TENM4: variants seen among roughly 807,000 people sequenced by gnomAD.
TENM4 encodes teneurin transmembrane protein 4.
TENM4 carries 82 observed loss-of-function variants against 243.3 expected under a neutral mutation model. The ratio of observed to expected loss-of-function variants is 0.34; its 90% CI spans 0.28 to 0.40. The LOEUF is 0.40. Ranked by LOEUF, TENM4 falls within the 10% of genes least tolerant of loss-of-function variation. The pLI is 1.00. For synonymous variants in TENM4, 1,412 were observed against 1,456.3 expected, an observed-to-expected ratio of 0.97 and a Z score of 0.69; for missense variants, 3,138 against 3,673.3, an observed-to-expected ratio of 0.85 and a Z score of 3.77.
chr11:79,013,660 G>T (rs779805820), intron 6 of TENM4, among the ~76,000 whole-genome samples: 10 of 152,210 alleles, frequency 6.6e-5, no homozygotes, highest in Non-Finnish European at 1.0e-4. Flanking sequence ...CAGGCTCATG[G>T]GAAAGATGGT....
At chr11:79,190,225 C>T (rs1478228649) in intron 3 of TENM4, among the ~76,000 whole-genome samples, 1 of 152,238 alleles carries the variant, frequency 6.6e-6, no homozygotes, top group Non-Finnish European at 1.5e-5. Flanking sequence ...TAGACACAAA[C>T]TCCCGTGGCT....
rs1030691936 is a variant in TENM4 at position 78,701,870 on chromosome 11, T to G, written c.4743A>C (p.Pro1581=). Residue 1581 remains proline (P), a synonymous_variant, in exon 28 of 34, where the codon CCA becomes CCC. Transcript: ENST00000278550. Reference sequence around the variant, plus strand: ...CAAACAGATAGAGCTCCTGGTCAATTGGTGAAGACAGCTCATACATGTTCT... The same window carrying G: ...CAAACAGATAGAGCTCCTGGTCAATGGGTGAAGACAGCTCATACATGTTCT... ...NTQNMYELSS[P]IDQELYLFDT... 1.2e-6 allele frequency: 2 copies of G among 1,614,022 alleles called. No homozygotes were observed. Among genetic ancestry groups the G allele is most frequent in the Admixed American group, 1.7e-5 (1 of 60,030 alleles).
chr11:79,435,690 C>A (rs376930465), intron 1 of TENM4, among the ~76,000 whole-genome samples: 1 of 152,160 alleles, frequency 6.6e-6, no homozygotes, highest in East Asian at 1.9e-4. Flanking sequence ...GGCTGAGAAC[C>A]CCGGGCGGAG....
chr11:79,304,142 T>TAGGGCTA (rs1856591055), intron 1 of TENM4, among the ~76,000 whole-genome samples: 3 of 152,142 alleles, frequency 2.0e-5, no homozygotes, highest in Admixed American at 2.0e-4. Flanking sequence ...AGGTGGACTC[T>TAGGGCTA]AGGGCTAAGT....
At chr11:79,260,957 G>A in intron 2 of TENM4, among the ~76,000 whole-genome samples, 1 of 152,140 alleles carries the variant, frequency 6.6e-6, no homozygotes, top group South Asian at 2.1e-4. Flanking sequence ...ATTTCTTCTT[G>A]GAAACAGAGC....
chr11:78,903,355 G>C lies in TENM4; in HGVS notation c.662C>G (p.Ser221Cys). 6.7e-7 allele frequency: 1 copy of C among 1,491,500 alleles called. No homozygotes were observed. The highest frequency in any genetic ancestry group is 8.9e-7 in the Non-Finnish European group (1 of 1,121,454). 92.4% of individuals were successfully genotyped at this position (1,491,500 alleles called of 1,614,324 possible). Reference sequence around the variant, plus strand: ...GGCGCCGCCGGCAGGGGGCTCTCCGGAGAGCGAGTGGTCCGTGGGGGCCGG... The same window carrying C: ...GGCGCCGCCGGCAGGGGGCTCTCCGCAGAGCGAGTGGTCCGTGGGGGCCGG... ...PSPAPTDHSLSGEPPAGGAQE... is the reference protein window; with the variant it reads ...PSPAPTDHSLCGEPPAGGAQE... The change falls in exon 7 of 34, where the codon TCC (serine) becomes TGC (cysteine). Residue 221 changes from serine (S) to cysteine (C), a missense_variant. Physicochemically the swap from Ser to Cys is moderately radical, Grantham distance 112 (BLOSUM62 -1). This residue lies in a region of TENM4 where 671 missense variants were observed against 614.1 expected (regional missense o/e 1.09). Transcript: ENST00000278550.
chr11:79,275,253 G>A (rs113989165), intron 2 of TENM4, among the ~76,000 whole-genome samples: 2 of 109,832 alleles, frequency 1.8e-5, no homozygotes, highest in Non-Finnish European at 4.1e-5. Context: ...CTGTGTGTGC[G>A]CGCGCATGCG....
chr11:79,418,024 C>T (rs1039157718), intron 1 of TENM4, among the ~76,000 whole-genome samples: 11 of 152,146 alleles, frequency 7.2e-5, no homozygotes, highest in African/African-American at 1.7e-4. Context: ...ATACTTTAAA[C>T]GGTGTATGTA....
intron 1 of TENM4, among the ~76,000 whole-genome samples, chr11:79,361,625 GCTGT>G (rs1191078288): frequency 1.3e-5 from 2 of 152,284 alleles, no homozygotes; most frequent in East Asian, 1.9e-4. Flanking sequence ...TTTTGAGAGT[GCTGT>G]CTATTTCCTG....
intron 24 of TENM4, 32 bp downstream of exon 24, chr11:78,722,636 A>T: frequency 6.3e-7 from 1 of 1,598,650 alleles, no homozygotes. Context: ...GCATATTATT[A>T]GGAACTATGA....
At chr11:79,319,133 C>G (rs963393008) in intron 1 of TENM4, among the ~76,000 whole-genome samples, 2 of 152,182 alleles carry the variant, frequency 1.3e-5, no homozygotes, top group African/African-American at 4.8e-5. Flanking sequence ...GAAACGGAGG[C>G]TTAGACAAAT....
intron 6 of TENM4, among the ~76,000 whole-genome samples, chr11:78,960,672 T>G (rs1025876763): frequency 6.6e-6 from 1 of 152,164 alleles, no homozygotes; most frequent in Non-Finnish European, 1.5e-5. Context: ...TGTAAGTGCC[T>G]CCTTTAGGAG....
intron 28 of TENM4, among the ~76,000 whole-genome samples, chr11:78,697,801 G>A (rs190741376): frequency 9.9e-4 from 150 of 152,176 alleles, no homozygotes; most frequent in African/African-American, 3.0e-3. Context: ...CAGGGAAGGG[G>A]GTTGCTCATA....
chr11:79,062,944 G>C (rs1860139283), intron 6 of TENM4, among the ~76,000 whole-genome samples: 1 of 152,102 alleles, frequency 6.6e-6, no homozygotes, highest in South Asian at 2.1e-4. Flanking sequence ...CCACCAGAGA[G>C]AGGGAAACTC....
At position 78,722,894 on chromosome 11, in the gene TENM4, C is replaced by T. The variant is rs768872161; in HGVS notation, c.3574G>A (p.Glu1192Lys). 1.9e-6 allele frequency: 3 copies of T among 1,614,016 alleles called. No homozygotes were observed. The highest frequency in any genetic ancestry group is 2.5e-6 in the Non-Finnish European group (3 of 1,179,880). Residue 1192 changes from glutamate (E) to lysine (K), a missense_variant, in exon 24 of 34, where the codon GAG (glutamate) becomes AAG (lysine). Around this residue, in one of 2 missense-constraint regions of TENM4, gnomAD observed 2,467 missense variants for 3,059.1 expected, o/e 0.81. Transcript: ENST00000278550. ...QSGILHKGNGENQFVSQQPPV... is the reference protein window; with the variant it reads ...QSGILHKGNGKNQFVSQQPPV... Reference sequence around the variant, plus strand: ...GGCTGCTGAGACACAAACTGGTTCTCCCCATTCCCTTTGTGCAGGATGCCT... The same window carrying T: ...GGCTGCTGAGACACAAACTGGTTCTTCCCATTCCCTTTGTGCAGGATGCCT...
At position 78,787,052 on chromosome 11, in the gene TENM4, G is replaced by A. The variant is rs766332201; in HGVS notation, c.2211C>T (p.Gly737=). Residue 737 remains glycine (G), a synonymous_variant, in exon 16 of 34, where the codon GGC becomes GGT. Coordinates refer to ENST00000278550, the MANE Select transcript of TENM4 (RefSeq NM_001098816.3). ...AGCGGCAGGTGCCCCCTACGCACAC[G>A]CCATGGCCACCACAGTCGGCAGCAC... ...EICAADCGGH[G]VCVGGTCRCE... 1.3e-5 allele frequency: 20 copies of A among 1,550,782 alleles called. No homozygotes were observed. The South Asian group carries it at 2.0e-4, about 16-fold the overall frequency.
chr11:78,765,939 A>T (rs146582035), intron 18 of TENM4, among the ~76,000 whole-genome samples: 2 of 152,242 alleles, frequency 1.3e-5, no homozygotes, highest in Non-Finnish European at 2.9e-5. Context: ...AAAACATATT[A>T]TATAGAGAAA....
intron 6 of TENM4, among the ~76,000 whole-genome samples, chr11:78,967,260 T>C (rs1470488620): frequency 1.3e-5 from 2 of 152,216 alleles, no homozygotes; most frequent in African/African-American, 4.8e-5. Context: ...CATTACCATA[T>C]GTGCCTAGTG....
At chr11:79,164,116 T>A (rs1381444686) in intron 3 of TENM4, among the ~76,000 whole-genome samples, 7 of 68,892 alleles carry the variant, frequency 1.0e-4, no homozygotes, top group African/African-American at 3.9e-4. Flanking sequence ...ATACACTATA[T>A]ATACTATGTA....
Sources: allele counts gnomAD v4.1 joint callset (sites outside exome capture counted in the v4.1 genomes callset), GRCh38; gene constraint gnomAD v4.1.1; regional missense constraint gnomAD v4.1.1; transcripts MANE v1.5; gene names NCBI Gene and HGNC (gene_info 2026-07-23, HGNC 2026-07-21).